KLF9: variants seen among roughly 807,000 people sequenced by gnomAD.
KLF9 encodes Krueppel-like factor 9.
In KLF9, 2 loss-of-function variants were observed where a neutral mutation model predicts 17.3. The observed-to-expected ratio is 0.12, with a 90% confidence interval of 0.05 to 0.36. The LOEUF (loss-of-function observed/expected upper bound fraction) is 0.36. Ranked by LOEUF, KLF9 falls within the 10% of genes least tolerant of loss-of-function variation. The pLI is 1.00. For missense variants in KLF9, 226 were observed against 333.2 expected, an observed-to-expected ratio of 0.68 and a Z score of 2.51; for synonymous variants, 138 against 139.2, an observed-to-expected ratio of 0.99 and a Z score of 0.06.
intron 1 of KLF9, among the ~76,000 whole-genome samples, chr9:70,389,514 A>G (rs2118906462): frequency 6.6e-6 from 1 of 152,078 alleles, no homozygotes. Context: ...GGTCCTGGGG[A>G]CTTGACAATT....
intron 1 of KLF9, among the ~76,000 whole-genome samples, chr9:70,406,094 A>G (rs1189364431): frequency 6.6e-6 from 1 of 152,218 alleles, no homozygotes; most frequent in African/African-American, 2.4e-5. Context: ...AATGTTAACC[A>G]TAGACTGAAG....
chr9:70,389,465 G>A (rs2037138697), intron 1 of KLF9, among the ~76,000 whole-genome samples: 1 of 152,118 alleles, frequency 6.6e-6, no homozygotes, highest in African/African-American at 2.4e-5. Context: ...GTCTACCAAG[G>A]CCCGTGCTCT....
intron 1 of KLF9, among the ~76,000 whole-genome samples, chr9:70,391,209 C>T (rs1050950244): frequency 6.6e-6 from 1 of 152,218 alleles, no homozygotes; most frequent in South Asian, 2.1e-4. Flanking sequence ...AAGATACTCT[C>T]GCTGTGTTAG....
chr9:70,387,317 A>G lies in KLF9; in HGVS notation c.*459T>C, dbSNP rs541310031. 6.1e-6 allele frequency: 1 copy of G among 163,452 alleles called. No individual in the cohort carries two copies. Among genetic ancestry groups the G allele is most frequent in the African/African-American group, 2.4e-5 (1 of 41,776 alleles). 10.1% of individuals were successfully genotyped at this position (163,452 alleles called of 1,614,324 possible). On this transcript the variant is annotated 3_prime_UTR_variant, in exon 2 of 2. Coordinates refer to ENST00000377126, the MANE Select transcript of KLF9 (RefSeq NM_001206.4). ...AAAACAATTCTGAGAGACAGCAAGC[A>G]TAAAGGGCCCAGAATCACTGTGCGA...
rs1564089120 is a variant in KLF9 at position 70,409,029 on chromosome 9, TATATATGTGTATATATATATAC to T, written c.505+3808_505+3829del. Among the ~76,000 whole-genome samples the T allele has an allele frequency of 3.8e-5, 5 of 133,014 alleles. 1 individual carries two copies. The highest frequency in any genetic ancestry group is 1.4e-4 in the African/African-American group (5 of 36,322). 87.3% of individuals were successfully genotyped at this position (133,014 alleles called of 152,430 possible). On this transcript the variant is annotated intron_variant, in intron 1 of 1. Transcript: ENST00000377126. ...ATATATATACACATATATGTATATA[TATATATGTGTATATATATATAC>T]ATATATGTGTATATATATGTGTATA... is the stretch of plus-strand genomic sequence containing the variant.
chr9:70,408,727 C>G (rs1402258782), intron 1 of KLF9, among the ~76,000 whole-genome samples: 2 of 152,054 alleles, frequency 1.3e-5, no homozygotes, highest in African/African-American at 4.8e-5. Flanking sequence ...GCAAGAAGCT[C>G]AGGGCAACCT....
intron 1 of KLF9, among the ~76,000 whole-genome samples, chr9:70,388,396 CT>C (rs1003427276): frequency 1.1e-4 from 17 of 152,152 alleles, no homozygotes; most frequent in Admixed American, 3.9e-4. Flanking sequence ...CTGCCTCTAC[CT>C]TGGACTCCCA....
Position 70,413,526 on chromosome 9 carries a change from C to T in KLF9, c.-163G>A, listed in dbSNP as rs1587745593. 1 of 611,182 alleles carries T rather than the reference C, an allele frequency of 1.6e-6. No homozygotes were observed. Among genetic ancestry groups the T allele is most frequent in the Non-Finnish European group, 2.3e-6 (1 of 440,550 alleles). 37.9% of individuals were successfully genotyped at this position (611,182 alleles called of 1,614,324 possible). A position where few individuals can be genotyped will look rare whatever the true frequency, so the allele number is the denominator to read the frequency against. On this transcript the variant is annotated 5_prime_UTR_variant, in exon 1 of 2. Transcript: ENST00000377126. The surrounding 1 kb of genome is among the most constrained non-coding windows in gnomAD (Gnocchi z 5.6). ...GGGCGCTTCCGACTCGCAGGAGCGC[C>T]GAGGCGACCTCAGCCCCTCATCTTT...
Position 70,398,081 on chromosome 9 carries a change from C to G in KLF9, c.506-10076G>C, listed in dbSNP as rs11142395. On this transcript the variant is annotated intron_variant, in intron 1 of 1. Transcript: ENST00000377126. The stretch of plus-strand genomic sequence containing the variant: ...TTGCTTTGCATGTAGATGTTCTGAA[C>G]GAATAAAAATGTTAAATAGGCTTTG... Among the ~76,000 whole-genome samples the G allele has an allele frequency of 5.4e-3, 821 of 152,246 alleles. 8 individuals are homozygous for G. Among genetic ancestry groups the G allele is most frequent in the African/African-American group, 0.018 (761 of 41,560 alleles).
intron 1 of KLF9, among the ~76,000 whole-genome samples, chr9:70,397,845 A>G (rs1190651239): frequency 6.6e-6 from 1 of 152,170 alleles, no homozygotes; most frequent in East Asian, 1.9e-4. Context: ...CTCACCAAAA[A>G]GCAATGTCAA....
rs181420425 is a variant in KLF9 at position 70,403,517 on chromosome 9, C to A, written c.505+9342G>T. ...GATATGAGTCTGGAACTGCGGGCAGCCATCTCACCACTATTTGGAGACAGC... is the reference window on the plus strand; with the variant it reads ...GATATGAGTCTGGAACTGCGGGCAGACATCTCACCACTATTTGGAGACAGC... On this transcript the variant is annotated intron_variant, in intron 1 of 1. Transcript: ENST00000377126. 5.3e-5 allele frequency among the ~76,000 whole-genome samples: 8 copies of A among 152,210 alleles called. No homozygotes were observed. The East Asian group carries it at 1.2e-3, about 22-fold the overall frequency.
At chr9:70,397,402 G>A (rs1251144908) in intron 1 of KLF9, among the ~76,000 whole-genome samples, 1 of 152,024 alleles carries the variant, frequency 6.6e-6, no homozygotes, top group African/African-American at 2.4e-5. Flanking sequence ...TTGAACCCTG[G>A]AGGTGGAGGT....
chr9:70,400,616 C>T (rs2037214627), intron 1 of KLF9, among the ~76,000 whole-genome samples: 1 of 152,204 alleles, frequency 6.6e-6, no homozygotes, highest in Non-Finnish European at 1.5e-5. Context: ...GATTAGTCAA[C>T]ACGTACTCTA....
chr9:70,413,560 G>T lies in KLF9; in HGVS notation c.-197C>A. The T allele has an allele frequency of 5.3e-6, 2 of 378,800 alleles. No homozygotes were observed. The highest frequency in any genetic ancestry group is 1.2e-4 in the South Asian group (1 of 8,586). The allele number at this position is 378,800 out of a possible 1,614,324, so 23.5% of individuals were successfully genotyped here. ...CTCAGCCCCTCATCTTTACGTAACC[G>T]GCAGCGCCTCCGCACGCAGCATCCA... On this transcript the variant is annotated 5_prime_UTR_variant, in exon 1 of 2. Coordinates refer to ENST00000377126, the MANE Select transcript of KLF9 (RefSeq NM_001206.4). The surrounding 1 kb of genome is among the most constrained non-coding windows in gnomAD (Gnocchi z 5.6).
At chr9:70,411,647 A>G (rs1180514893) in intron 1 of KLF9, among the ~76,000 whole-genome samples, 1 of 152,158 alleles carries the variant, frequency 6.6e-6, no homozygotes, top group Non-Finnish European at 1.5e-5. Context: ...GCAAAACAAA[A>G]CAAAAAACCC....
chr9:70,397,332 A>G (rs895189013), intron 1 of KLF9, among the ~76,000 whole-genome samples: 12 of 151,990 alleles, frequency 7.9e-5, no homozygotes, highest in Non-Finnish European at 1.0e-4. Flanking sequence ...AAAATTAGCC[A>G]GGCATGGTGG....
At chr9:70,398,606 A>G (rs1231936087) in intron 1 of KLF9, among the ~76,000 whole-genome samples, 1 of 151,038 alleles carries the variant, frequency 6.6e-6, no homozygotes, top group African/African-American at 2.4e-5. Context: ...CTCGTGTCTC[A>G]GTCTCCCAAG....
Position 70,388,108 on chromosome 9 carries a change from C to T in KLF9, c.506-103G>A, listed in dbSNP as rs530654071. The T allele has an allele frequency of 1.4e-5, 13 of 901,940 alleles. No individual in the cohort carries two copies. The East Asian group carries it at 1.6e-4, about 11-fold the overall frequency. The allele number at this position is 901,940 out of a possible 1,614,324, so 55.9% of individuals were successfully genotyped here. A position where few individuals can be genotyped will look rare whatever the true frequency, so the allele number is the denominator to read the frequency against. Reference sequence around the variant, plus strand: ...CCTACGACTCAAAGGATAAATCCCTCGGAGATGATTATTATGTGTCCCCCT... The same window carrying T: ...CCTACGACTCAAAGGATAAATCCCTTGGAGATGATTATTATGTGTCCCCCT... On this transcript the variant is annotated intron_variant, in intron 1 of 1. Coordinates refer to ENST00000377126, the MANE Select transcript of KLF9 (RefSeq NM_001206.4).
At position 70,388,092 on chromosome 9, in the gene KLF9, C is replaced by T. The variant is rs2037126893; in HGVS notation, c.506-87G>A. 1.7e-5 allele frequency: 17 copies of T among 1,028,446 alleles called. No homozygotes were observed. The South Asian group carries it at 2.4e-4, about 15-fold the overall frequency. 63.7% of individuals were successfully genotyped at this position (1,028,446 alleles called of 1,614,324 possible). On this transcript the variant is annotated intron_variant, in intron 1 of 1. Transcript: ENST00000377126. The stretch of plus-strand genomic sequence containing the variant: ...GTCATGGTCAATAGTCCCTACGACT[C>T]AAAGGATAAATCCCTCGGAGATGAT...
Sources: gnomAD v4.1 joint callset for allele counts (sites outside exome capture counted in the v4.1 genomes callset) on GRCh38, gnomAD v4.1.1 for gene constraint, Gnocchi (gnomAD v3.1) non-coding constraint, MANE v1.5 for transcripts, NCBI Gene and HGNC (gene_info 2026-07-23, HGNC 2026-07-21) for gene names.